Variants in GPC6 observed in about 807,000 individuals in gnomAD.
GPC6 encodes the protein glypican-6.
In GPC6, 14 loss-of-function variants were observed where a neutral mutation model predicts 55.2. The ratio of observed to expected loss-of-function variants is 0.25; its 90% CI spans 0.17 to 0.40. GPC6 has a LOEUF of 0.40. Among genes scored for constraint, GPC6 ranks in the 10% least tolerant of loss-of-function variants. GPC6 has a pLI of 1.00. For missense variants in GPC6, 641 were observed against 708.5 expected (o/e 0.90, Z 1.08); for synonymous variants, 278 against 259.6 (o/e 1.07, Z -0.68).
chr13:93,559,156 T>C (rs1390917403), intron 2 of GPC6, among the ~76,000 whole-genome samples: 1 of 152,172 alleles, frequency 6.6e-6, no homozygotes, highest in Non-Finnish European at 1.5e-5. Context: ...TTCATCTGAT[T>C]ATGAAAATGA....
At chr13:93,895,116 C>G (rs746244446) in intron 3 of GPC6, among the ~76,000 whole-genome samples, 23 of 149,908 alleles carry the variant, frequency 1.5e-4, no homozygotes, top group Non-Finnish European at 2.5e-4. Flanking sequence ...ATTTTCACCT[C>G]TAAGTCCATA....
At chr13:94,045,649 C>A (rs759416000) in intron 4 of GPC6, among the ~76,000 whole-genome samples, 13 of 151,078 alleles carry the variant, frequency 8.6e-5, no homozygotes, top group Non-Finnish European at 1.8e-4. Flanking sequence ...AAGGAAAGGA[C>A]ACAGACTTTG....
At chr13:93,565,296 G>C (rs557003999) in intron 2 of GPC6, among the ~76,000 whole-genome samples, 1 of 152,110 alleles carries the variant, frequency 6.6e-6, no homozygotes, top group Non-Finnish European at 1.5e-5. Flanking sequence ...GCAGGTGTTG[G>C]CCCCACTGCA....
chr13:93,339,935 A>G (rs1880182397), intron 1 of GPC6, among the ~76,000 whole-genome samples: 1 of 152,114 alleles, frequency 6.6e-6, no homozygotes, highest in South Asian at 2.1e-4. Flanking sequence ...TAGGCACATT[A>G]CAATCAGGCA....
chr13:93,268,462 C>G (rs1877399611), intron 1 of GPC6, among the ~76,000 whole-genome samples: 2 of 152,258 alleles, frequency 1.3e-5, no homozygotes, highest in African/African-American at 4.8e-5. Flanking sequence ...TGAGCTATGG[C>G]TTTCAGGGCC....
chr13:93,454,803 A>T (rs563671757), intron 1 of GPC6, among the ~76,000 whole-genome samples: 107 of 152,214 alleles, frequency 7.0e-4, no homozygotes, highest in African/African-American at 2.5e-3. Flanking sequence ...TCGGCCCTTG[A>T]GTGGTCGATG....
At chr13:93,402,385 C>T (rs779373785) in intron 1 of GPC6, among the ~76,000 whole-genome samples, 7 of 152,144 alleles carry the variant, frequency 4.6e-5, no homozygotes, top group Non-Finnish European at 1.0e-4. Flanking sequence ...ATGTACAGTG[C>T]GGCCTTTCAC....
chr13:94,398,352 G>T (rs1880984174), intron 7 of GPC6, 114 bp from the exon 8 acceptor site: 7 of 777,718 alleles, frequency 9.0e-6, no homozygotes, highest in Non-Finnish European at 1.1e-5. Context: ...TCCAGTTTTT[G>T]CCAGGTGTCT....
chr13:94,382,251 C>G (rs7991204), intron 6 of GPC6, among the ~76,000 whole-genome samples, 163 bp from the exon 7 acceptor site: 2,423 of 152,268 alleles, frequency 0.016, 46 homozygotes, highest in African/African-American at 0.049. Flanking sequence ...GAGGCTTTCC[C>G]GGGCAATAAA....
At chr13:93,340,266 C>T (rs1275787201) in intron 1 of GPC6, among the ~76,000 whole-genome samples, 4 of 151,946 alleles carry the variant, frequency 2.6e-5, no homozygotes, top group Admixed American at 1.3e-4. Context: ...GATCTCCTGA[C>T]CTCGTGATCT....
intron 1 of GPC6, among the ~76,000 whole-genome samples, chr13:93,455,158 T>G (rs1223073849): frequency 6.6e-6 from 1 of 152,140 alleles, no homozygotes; most frequent in Non-Finnish European, 1.5e-5. Context: ...GGTTCCCGCT[T>G]GCGCCTCTCC....
intron 2 of GPC6, among the ~76,000 whole-genome samples, chr13:93,707,416 G>A (rs1305035380): frequency 6.6e-6 from 1 of 151,686 alleles, no homozygotes; most frequent in East Asian, 1.9e-4. Context: ...TGAGTGTTAT[G>A]GACTTAGTAG....
At chr13:93,733,331 A>G (rs1390276043) in intron 2 of GPC6, among the ~76,000 whole-genome samples, 1 of 152,022 alleles carries the variant, frequency 6.6e-6, no homozygotes, top group Non-Finnish European at 1.5e-5. Context: ...GCTAAATTTC[A>G]GGATAAAAAT....
At chr13:93,482,886 T>C (rs9516241) in intron 1 of GPC6, among the ~76,000 whole-genome samples, 50,958 of 152,028 alleles carry the variant, frequency 0.34, 8,992 homozygotes, top group East Asian at 0.61. Flanking sequence ...CTATTTAAGA[T>C]GTCTTTGTTA....
chr13:93,242,710 G>C (rs1876474536), intron 1 of GPC6, among the ~76,000 whole-genome samples: 1 of 152,160 alleles, frequency 6.6e-6, no homozygotes, highest in Non-Finnish European at 1.5e-5. Flanking sequence ...TAGCCCACAA[G>C]CAGCAAGTTC....
At chr13:93,854,978 A>G (rs946666603) in intron 3 of GPC6, among the ~76,000 whole-genome samples, 1 of 151,542 alleles carries the variant, frequency 6.6e-6, no homozygotes, top group African/African-American at 2.4e-5. Flanking sequence ...CCTGGTATCA[A>G]TGTCCCCACC....
intron 2 of GPC6, among the ~76,000 whole-genome samples, chr13:93,735,142 A>C (rs1235203364): frequency 6.6e-6 from 1 of 152,174 alleles, no homozygotes; most frequent in African/African-American, 2.4e-5. Context: ...TCCAATATAA[A>C]GGAAAAACAA....
intron 3 of GPC6, among the ~76,000 whole-genome samples, chr13:93,835,261 C>A (rs1166081900): frequency 1.3e-5 from 2 of 152,022 alleles, no homozygotes; most frequent in Non-Finnish European, 2.9e-5. Context: ...CAAGACCCAG[C>A]CTAGGCAACA....
intron 3 of GPC6, among the ~76,000 whole-genome samples, chr13:93,921,324 G>C (rs1048312961): frequency 2.0e-5 from 3 of 152,160 alleles, no homozygotes; most frequent in Admixed American, 6.5e-5. Context: ...ATCTTACAGT[G>C]CTCCTTTATC....
Sources: allele counts gnomAD v4.1 joint callset (sites outside exome capture counted in the v4.1 genomes callset), GRCh38; gene constraint gnomAD v4.1.1; transcripts MANE v1.5; gene names NCBI Gene and HGNC (gene_info 2026-07-23, HGNC 2026-07-21).